COL12A1: variants seen among roughly 807,000 people sequenced by gnomAD.
The protein encoded by COL12A1 is collagen alpha-1(XII) chain.
In COL12A1, 114 loss-of-function variants were observed where a neutral mutation model predicts 349.7. That is an observed-to-expected ratio of 0.33 (90% CI 0.28 to 0.38). The LOEUF (loss-of-function observed/expected upper bound fraction) is 0.38, where lower values mean the gene tolerates loss of function less well. COL12A1 is among the 10% of genes least tolerant of loss of function. The pLI, the probability that COL12A1 is intolerant of heterozygous loss-of-function variation, is 1.00. For missense variants in COL12A1, 3,284 were observed against 3,756.9 expected (o/e 0.87, Z 3.29); for synonymous variants, 1,369 against 1,329.0 (o/e 1.03, Z -0.66).
intron 55 of COL12A1, among the ~76,000 whole-genome samples, chr6:75,103,070 G>A (rs1389709752): frequency 1.3e-5 from 2 of 151,798 alleles, no homozygotes; most frequent in East Asian, 3.9e-4. Context: ...CTTATTTCTG[G>A]GACTAAAGGA....
chr6:75,116,107 A>G (rs1339886881), intron 47 of COL12A1, 50 bp from the exon 48 acceptor site: 1 of 1,551,864 alleles, frequency 6.4e-7, no homozygotes, highest in Non-Finnish European at 8.9e-7. Flanking sequence ...CGATGTACAA[A>G]TTATATATGC....
chr6:75,190,895 T>C (rs889291915), intron 5 of COL12A1, among the ~76,000 whole-genome samples: 2 of 151,898 alleles, frequency 1.3e-5, no homozygotes, highest in Admixed American at 6.6e-5. Flanking sequence ...TTGTTGAAAA[T>C]ATTAGCATCT....
intron 42 of COL12A1, among the ~76,000 whole-genome samples, chr6:75,123,707 T>C (rs1205644893): frequency 6.6e-6 from 1 of 152,118 alleles, no homozygotes; most frequent in Non-Finnish European, 1.5e-5. Flanking sequence ...GAGAGCCATC[T>C]CTCCCTCCTT....
intron 15 of COL12A1, 37 bp downstream of exon 15, chr6:75,156,220 C>T: frequency 1.9e-6 from 3 of 1,543,970 alleles, no homozygotes; most frequent in South Asian, 1.1e-5. Context: ...AAAACATTAC[C>T]TTCTCTCCCC....
At chr6:75,159,863 G>A (rs1767947504) in intron 14 of COL12A1, among the ~76,000 whole-genome samples, 3 of 151,830 alleles carry the variant, frequency 2.0e-5, no homozygotes, top group Admixed American at 2.0e-4. Context: ...AAAAAAATGG[G>A]ATGCCAAGCT....
intron 11 of COL12A1, among the ~76,000 whole-genome samples, chr6:75,179,988 G>T (rs919382022): frequency 1.3e-5 from 2 of 152,204 alleles, no homozygotes; most frequent in Non-Finnish European, 2.9e-5. Flanking sequence ...AATGTCCATT[G>T]ATGAATGGAG....
At chr6:75,150,574 A>G (rs1458602430) in intron 21 of COL12A1, among the ~76,000 whole-genome samples, 1 of 152,226 alleles carries the variant, frequency 6.6e-6, no homozygotes, top group Non-Finnish European at 1.5e-5. Context: ...GAGGCAAAGC[A>G]AATCAGATAT....
chr6:75,123,525 C>G (rs1305397735), intron 42 of COL12A1, 121 bp from the exon 43 acceptor site: 3 of 809,064 alleles, frequency 3.7e-6, no homozygotes, highest in Non-Finnish European at 5.9e-6. Flanking sequence ...AATGAGACAC[C>G]ATTGTCATCG....
chr6:75,118,549 G>A (rs542425974), intron 46 of COL12A1, among the ~76,000 whole-genome samples: 1 of 152,260 alleles, frequency 6.6e-6, no homozygotes, highest in Admixed American at 6.5e-5. Context: ...GTGTTACCAG[G>A]AGGCTCTCAG....
At chr6:75,159,367 A>G (rs550095190) in intron 14 of COL12A1, among the ~76,000 whole-genome samples, 2 of 148,890 alleles carry the variant, frequency 1.3e-5, no homozygotes, top group East Asian at 1.9e-4. Context: ...TCAATTTGCT[A>G]TTATTATTCT....
intron 4 of COL12A1, 68 bp from the exon 5 acceptor site, chr6:75,191,828 A>T: frequency 1.0e-5 from 10 of 963,130 alleles, no homozygotes; most frequent in Non-Finnish European, 1.5e-5. Context: ...AAATAGAATA[A>T]ATATATTATA....
chr6:75,145,552 T>A, intron 24 of COL12A1, 97 bp from the exon 25 acceptor site: 1 of 1,161,616 alleles, frequency 8.6e-7, no homozygotes, highest in Non-Finnish European at 1.2e-6. Flanking sequence ...TACTAGATTA[T>A]AATACAGCTT....
At position 75,090,003 on chromosome 6, in the gene COL12A1, G is replaced by A; in HGVS notation, c.8941+107C>T. Reference sequence around the variant, plus strand: ...TTCTGAGGCTGTCCAAACAAGACCAGGGAAAGCAGTTTGCCTAGGTCACCT... The same window carrying A: ...TTCTGAGGCTGTCCAAACAAGACCAAGGAAAGCAGTTTGCCTAGGTCACCT... On this transcript the variant is annotated intron_variant, in intron 63 of 65. Coordinates refer to ENST00000322507, the MANE Select transcript of COL12A1 (RefSeq NM_004370.6). The surrounding 1 kb of genome is among the most constrained non-coding windows in gnomAD (Gnocchi z 4.1). 1 of 1,216,368 alleles carries A rather than the reference G, an allele frequency of 8.2e-7. No individual in the cohort carries two copies. The highest frequency in any genetic ancestry group is 1.2e-6 in the Non-Finnish European group (1 of 847,470). The allele number at this position is 1,216,368 out of a possible 1,614,324, so 75.3% of individuals were successfully genotyped here. A position where few individuals can be genotyped will look rare whatever the true frequency, so the allele number is the denominator to read the frequency against.
At chr6:75,128,822 T>C (rs1363513739) in intron 37 of COL12A1, among the ~76,000 whole-genome samples, 2 of 152,238 alleles carry the variant, frequency 1.3e-5, no homozygotes, top group African/African-American at 2.4e-5. Flanking sequence ...CAGTACCCGC[T>C]GTGGACCAGG....
chr6:75,161,805 A>C (rs539746543), intron 14 of COL12A1, among the ~76,000 whole-genome samples: 1 of 152,346 alleles, frequency 6.6e-6, no homozygotes, highest in Admixed American at 6.5e-5. Flanking sequence ...AACTTCAGCA[A>C]AGTCTCAGGA....
intron 13 of COL12A1, among the ~76,000 whole-genome samples, chr6:75,174,537 A>C (rs1051289294): frequency 1.3e-4 from 20 of 152,218 alleles, no homozygotes; most frequent in East Asian, 1.2e-3. Context: ...GCCTGGGCGA[A>C]AGAGCGAGAC....
At chr6:75,123,870 A>G (rs1765873333) in intron 42 of COL12A1, 78 bp downstream of exon 42, 7 of 1,441,246 alleles carry the variant, frequency 4.9e-6, no homozygotes, top group Non-Finnish European at 6.6e-6. Context: ...CCTGCACAGG[A>G]TTCACTTAAG....
chr6:75,146,154 T>C lies in COL12A1; in HGVS notation c.4508A>G (p.Tyr1503Cys). The C allele has an allele frequency of 6.2e-7, 1 of 1,613,488 alleles. No individual in the cohort carries two copies. The highest frequency in any genetic ancestry group is 8.5e-7 in the Non-Finnish European group (1 of 1,179,710). ...CTTAACAGGTTTGTATGACAAGATG[T>C]AGCCAGTAGCTCCTCCCACAGGCTG... ...QWQPVGGATG[Y>C]ILSYKPVKDT... is the part of the protein sequence containing the mutation. Residue 1503 changes from tyrosine (Y) to cysteine (C), a missense_variant, in exon 24 of 66, where the codon TAC becomes TGC. Physicochemically the swap from Tyr to Cys is radical, Grantham distance 194 (BLOSUM62 -2). Around this residue, in one of 2 missense-constraint regions of COL12A1, gnomAD observed 2,601 missense variants for 2,824.8 expected, o/e 0.92. Coordinates refer to ENST00000322507, the MANE Select transcript of COL12A1 (RefSeq NM_004370.6).
chr6:75,137,142 T>C (rs994058653), intron 31 of COL12A1, among the ~76,000 whole-genome samples: 5 of 152,182 alleles, frequency 3.3e-5, no homozygotes, highest in Admixed American at 2.0e-4. Flanking sequence ...GATATCGTCA[T>C]GGATAATCCA....
Sources: allele counts gnomAD v4.1 joint callset (sites outside exome capture counted in the v4.1 genomes callset), GRCh38; gene constraint gnomAD v4.1.1; regional missense constraint gnomAD v4.1.1; non-coding constraint Gnocchi (gnomAD v3.1); transcripts MANE v1.5; gene names NCBI Gene and HGNC (gene_info 2026-07-23, HGNC 2026-07-21).